The following TOX variants were observed in gnomAD, a reference collection of about 807,000 sequenced individuals.
The protein encoded by TOX is thymocyte selection-associated high mobility group box protein TOX.
TOX carries 11 observed loss-of-function variants against 53.7 expected under a neutral mutation model. That is an observed-to-expected ratio of 0.20 (90% CI 0.13 to 0.34). TOX has a LOEUF of 0.34. Among genes scored for constraint, TOX ranks in the 10% least tolerant of loss-of-function variants. TOX has a pLI of 1.00. For missense variants in TOX, 570 were observed against 664.6 expected (o/e 0.86, Z 1.56); for synonymous variants, 225 against 245.3 (o/e 0.92, Z 0.77).
At chr8:59,082,663 A>AC (rs1195704181) in intron 1 of TOX, among the ~76,000 whole-genome samples, 2 of 152,100 alleles carry the variant, frequency 1.3e-5, no homozygotes, top group African/African-American at 4.8e-5. Context: ...TTTATGAGGG[A>AC]CCCCCATGTA....
chr8:58,944,893 T>C (rs1007169559), intron 2 of TOX, among the ~76,000 whole-genome samples: 2 of 152,226 alleles, frequency 1.3e-5, no homozygotes, highest in Admixed American at 6.5e-5. Flanking sequence ...TTGCCATTGA[T>C]TAGGCCTCAT....
At chr8:59,055,218 A>C (rs1803870008) in intron 1 of TOX, among the ~76,000 whole-genome samples, 1 of 152,164 alleles carries the variant, frequency 6.6e-6, no homozygotes, top group Admixed American at 6.5e-5. Context: ...GATCAGCTGC[A>C]AACAGGCCCC....
At chr8:58,815,294 C>G in intron 7 of TOX, 44 bp downstream of exon 7, 1 of 1,530,018 alleles carries the variant, frequency 6.5e-7, no homozygotes, top group Non-Finnish European at 8.8e-7. Flanking sequence ...CACCACACTT[C>G]AGAATAGGGG....
At chr8:58,966,526 G>C (rs1465732915) in intron 1 of TOX, among the ~76,000 whole-genome samples, 1 of 152,102 alleles carries the variant, frequency 6.6e-6, no homozygotes, top group Non-Finnish European at 1.5e-5. Context: ...GCGGCTGCTT[G>C]GAAGACTTGG....
At chr8:58,914,761 G>A (rs57882897) in intron 3 of TOX, among the ~76,000 whole-genome samples, 2,153 of 75,062 alleles carry the variant, frequency 0.029, 63 homozygotes, top group African/African-American at 0.067. Context: ...CGCAGAAGAC[G>A]GGTGATTTCT....
chr8:59,001,940 A>G (rs1813695234), intron 1 of TOX, among the ~76,000 whole-genome samples: 1 of 151,646 alleles, frequency 6.6e-6, no homozygotes, highest in Admixed American at 6.6e-5. Flanking sequence ...TGTCAAGGAG[A>G]CAATGGCACA....
chr8:58,971,574 C>CA (rs1813003750), intron 1 of TOX, among the ~76,000 whole-genome samples: 1 of 152,274 alleles, frequency 6.6e-6, no homozygotes, highest in South Asian at 2.1e-4. Flanking sequence ...TGACTGTTTC[C>CA]ATCATTAATT....
chr8:59,061,495 C>T (rs1400702308), intron 1 of TOX, among the ~76,000 whole-genome samples: 1 of 152,088 alleles, frequency 6.6e-6, no homozygotes, highest in Non-Finnish European at 1.5e-5. Context: ...ATGGCCTCTT[C>T]GGTAATTTCC....
chr8:59,039,860 G>A (rs530949074), intron 1 of TOX, among the ~76,000 whole-genome samples: 13 of 152,100 alleles, frequency 8.5e-5, no homozygotes, highest in Non-Finnish European at 1.5e-4. Flanking sequence ...TTTTAAGTAC[G>A]AGCTTGAAGA....
chr8:59,039,825 G>T (rs1439214583), intron 1 of TOX, among the ~76,000 whole-genome samples: 1 of 151,852 alleles, frequency 6.6e-6, no homozygotes, highest in African/African-American at 2.4e-5. Context: ...GTTTTGGACA[G>T]AGGAGAGCTA....
chr8:58,907,574 G>A (rs1175113335), intron 3 of TOX, among the ~76,000 whole-genome samples: 5 of 151,892 alleles, frequency 3.3e-5, no homozygotes, highest in South Asian at 2.1e-4. Context: ...CAGCCTGTGC[G>A]ACAGAGGAAG....
At chr8:58,880,921 C>G (rs1811373624) in intron 3 of TOX, among the ~76,000 whole-genome samples, 2 of 152,028 alleles carry the variant, frequency 1.3e-5, no homozygotes, top group African/African-American at 4.8e-5. Context: ...AATAATGTAC[C>G]AGCTAGCCTC....
At chr8:59,060,694 C>G (rs530713138) in intron 1 of TOX, among the ~76,000 whole-genome samples, 1 of 152,234 alleles carries the variant, frequency 6.6e-6, no homozygotes, top group South Asian at 2.1e-4. Flanking sequence ...TACTAATAGC[C>G]AATGTTTGTT....
intron 3 of TOX, among the ~76,000 whole-genome samples, chr8:58,855,835 C>T (rs1259554122): frequency 6.6e-6 from 1 of 152,202 alleles, no homozygotes; most frequent in Admixed American, 6.5e-5. Context: ...ATCTCTCTCC[C>T]TTAATCATGC....
At chr8:59,092,094 A>AC (rs1804616349) in intron 1 of TOX, among the ~76,000 whole-genome samples, 1 of 150,948 alleles carries the variant, frequency 6.6e-6, no homozygotes, top group Non-Finnish European at 1.5e-5. Context: ...TACTAAAAAT[A>AC]CAAAAAAATT....
chr8:58,910,847 T>C (rs1811898203), intron 3 of TOX, among the ~76,000 whole-genome samples: 1 of 152,134 alleles, frequency 6.6e-6, no homozygotes, highest in African/African-American at 2.4e-5. Flanking sequence ...GAGCTATCAC[T>C]GGTATTTATC....
rs116560587 is a variant in TOX at position 58,928,737 on chromosome 8, T to G, written c.411+10565A>C. The stretch of plus-strand genomic sequence containing the variant: ...AATACAGCGTTTTTAGCAATAAACT[T>G]TATGAATCCACTGTCTTGAGAAGTG... On this transcript the variant is annotated intron_variant, in intron 3 of 8. Transcript: ENST00000361421. Among the ~76,000 whole-genome samples, 733 of 152,254 alleles carry G rather than the reference T, an allele frequency of 4.8e-3. 2 individuals carry two copies. Among genetic ancestry groups the G allele is most frequent in the African/African-American group, 0.017 (709 of 41,556 alleles).
At chr8:59,096,989 G>A (rs1804722865) in intron 1 of TOX, among the ~76,000 whole-genome samples, 1 of 152,158 alleles carries the variant, frequency 6.6e-6, no homozygotes, top group Non-Finnish European at 1.5e-5. Context: ...AGGATAGAGG[G>A]CAATCCCAGG....
chr8:59,043,281 A>T (rs1429831906), intron 1 of TOX, among the ~76,000 whole-genome samples: 3 of 151,756 alleles, frequency 2.0e-5, no homozygotes, highest in Non-Finnish European at 4.4e-5. Context: ...AATTGGAGAA[A>T]CTATCAAAAA....
Sources: allele counts gnomAD v4.1 joint callset (sites outside exome capture counted in the v4.1 genomes callset), GRCh38; gene constraint gnomAD v4.1.1; transcripts MANE v1.5; gene names NCBI Gene and HGNC (gene_info 2026-07-23, HGNC 2026-07-21).